GLCCI1: variants seen among roughly 807,000 people sequenced by gnomAD.
GLCCI1 encodes glucocorticoid-induced transcript 1 protein.
Under a neutral mutation model 52.2 loss-of-function variants are expected in GLCCI1, and 24 were observed. The observed-to-expected ratio is 0.46, with a 90% confidence interval of 0.33 to 0.65. GLCCI1 has a LOEUF of 0.65. Ranked by LOEUF, GLCCI1 falls within the 30% of genes least tolerant of loss-of-function variation. The probability of loss-of-function intolerance (pLI) is 0.02; values close to 1 mark genes in which losing one functional copy is unlikely to be tolerated. For missense variants in GLCCI1, 704 were observed against 701.5 expected, an observed-to-expected ratio of 1.00 and a Z score of -0.04; for synonymous variants, 310 against 276.5, an observed-to-expected ratio of 1.12 and a Z score of -1.20.
intron 1 of GLCCI1, among the ~76,000 whole-genome samples, chr7:7,988,562 G>C (rs1241670025): frequency 6.6e-6 from 1 of 151,988 alleles, no homozygotes; most frequent in African/African-American, 2.4e-5. Context: ...CTCTTGGAGT[G>C]AATCTGTCTT....
chr7:7,969,637 CG>C lies in GLCCI1; in HGVS notation c.291del (p.Gly99AlafsTer69), dbSNP rs1290555921. 1 of 1,013,654 alleles carries C rather than the reference CG, an allele frequency of 9.9e-7. No individual in the cohort carries two copies. The highest frequency in any genetic ancestry group is 1.2e-6 in the Non-Finnish European group (1 of 854,018). 62.8% of individuals were successfully genotyped at this position (1,013,654 alleles called of 1,614,324 possible). On this transcript the variant is annotated frameshift_variant, in exon 1 of 8. Transcript: ENST00000223145. LOFTEE classifies it high-confidence loss of function. The surrounding 1 kb of genome is among the most constrained non-coding windows in gnomAD (Gnocchi z 4.9). ...AAAAASLGSL[P>X]GPGAARGPSP... ...GCCGCCGCCTCGCTGGGCAGCCTCC[CG>C]GGGCCCGGCGCGGCCCGCGGCCCCA...
At position 7,969,297 on chromosome 7, in the gene GLCCI1, T is replaced by TC; in HGVS notation, c.-51dup. ...GCCGGCTCCCACACGCTCGCGCGCC[T>TC]CCCGCCCCGCGCCTCCGTGTCGGCC... On this transcript the variant is annotated 5_prime_UTR_variant, in exon 1 of 8. Transcript: ENST00000223145. This position sits in a 1 kb window ranked among gnomAD's most constrained non-coding sequence, Gnocchi z 4.9. 8.3e-7 allele frequency: 1 copy of TC among 1,198,538 alleles called. No homozygotes were observed. The highest frequency in any genetic ancestry group is 1.0e-6 in the Non-Finnish European group (1 of 954,126). The allele number at this position is 1,198,538 out of a possible 1,614,324, so 74.2% of individuals were successfully genotyped here.
chr7:8,048,849 C>T (rs1272689573), intron 3 of GLCCI1, among the ~76,000 whole-genome samples: 1 of 152,122 alleles, frequency 6.6e-6, no homozygotes, highest in African/African-American at 2.4e-5. Context: ...CCTGTACATA[C>T]AGTAGATCAT....
intron 1 of GLCCI1, among the ~76,000 whole-genome samples, chr7:8,001,969 A>G (rs1289636938): frequency 2.0e-5 from 3 of 152,182 alleles, no homozygotes; most frequent in African/African-American, 4.8e-5. Flanking sequence ...TGGGAGAGGG[A>G]TAGCATTAGG....
chr7:8,052,146 A>G (rs532624066), intron 3 of GLCCI1, among the ~76,000 whole-genome samples: 1 of 152,106 alleles, frequency 6.6e-6, no homozygotes, highest in Non-Finnish European at 1.5e-5. Flanking sequence ...TCAGTGAAGG[A>G]AAAGGCTTCT....
At chr7:8,052,240 C>T (rs1782273437) in intron 3 of GLCCI1, among the ~76,000 whole-genome samples, 1 of 152,100 alleles carries the variant, frequency 6.6e-6, no homozygotes, top group Non-Finnish European at 1.5e-5. Context: ...CAGTCTGGTG[C>T]CTTAATGCTT....
At chr7:8,010,233 C>G (rs1376091771) in intron 2 of GLCCI1, among the ~76,000 whole-genome samples, 1 of 152,164 alleles carries the variant, frequency 6.6e-6, no homozygotes, top group Non-Finnish European at 1.5e-5. Context: ...CATTAACAAG[C>G]TTTCTGCAAG....
chr7:8,027,201 A>G (rs1781640924), intron 3 of GLCCI1, among the ~76,000 whole-genome samples: 1 of 152,204 alleles, frequency 6.6e-6, no homozygotes, highest in Non-Finnish European at 1.5e-5. Flanking sequence ...AAAGAATTCA[A>G]AGTAGCTATG....
At chr7:8,014,810 A>G (rs1781343212) in intron 2 of GLCCI1, among the ~76,000 whole-genome samples, 1 of 152,174 alleles carries the variant, frequency 6.6e-6, no homozygotes, top group Non-Finnish European at 1.5e-5. Flanking sequence ...GAGGTGAGAG[A>G]TGGGATGGTT....
Position 7,969,187 on chromosome 7 carries a change from T to C in GLCCI1, c.-164T>C. On this transcript the variant is annotated 5_prime_UTR_variant, in exon 1 of 8. Coordinates refer to ENST00000223145, the MANE Select transcript of GLCCI1 (RefSeq NM_138426.4). This position sits in a 1 kb window ranked among gnomAD's most constrained non-coding sequence, Gnocchi z 4.9. ...CCCCCTCGCCGAGGCGGCGGGGGTG[T>C]GCGTTGGGGAGGGGGAGCCCCGAGA... 1 of 637,040 alleles carries C rather than the reference T, an allele frequency of 1.6e-6. No homozygotes were observed. The highest frequency in any genetic ancestry group is 6.1e-5 in the South Asian group (1 of 16,458). The allele number at this position is 637,040 out of a possible 1,614,324, so 39.5% of individuals were successfully genotyped here.
chr7:8,064,257 T>C (rs7797521), intron 5 of GLCCI1, among the ~76,000 whole-genome samples: 5,093 of 152,290 alleles, frequency 0.033, 266 homozygotes, highest in African/African-American at 0.11. Context: ...AAGTCTTTGA[T>C]CCATCTTGAA....
chr7:8,063,226 C>G lies in GLCCI1; in HGVS notation c.966+2978C>G, dbSNP rs143126384. ...GATCTTGGCTTACTGCAACTTCTGC[C>G]TCCCAGGTCCAAGCGATTCTCCTGC... On this transcript the variant is annotated intron_variant, in intron 5 of 7. Coordinates refer to ENST00000223145, the MANE Select transcript of GLCCI1 (RefSeq NM_138426.4). 3.7e-3 allele frequency among the ~76,000 whole-genome samples: 562 copies of G among 152,282 alleles called. 4 individuals are homozygous for G. The highest frequency in any genetic ancestry group is 0.012 in the African/African-American group (483 of 41,546).
At chr7:7,981,222 G>T in intron 1 of GLCCI1, 2 of 280,236 alleles carry the variant, frequency 7.1e-6, no homozygotes, top group Non-Finnish European at 1.4e-5. Flanking sequence ...CTGGAAGACA[G>T]GAGAAATCCT....
chr7:8,050,900 TGC>T (rs1248578608), intron 3 of GLCCI1, among the ~76,000 whole-genome samples: 2 of 152,358 alleles, frequency 1.3e-5, no homozygotes, highest in Non-Finnish European at 2.9e-5. Flanking sequence ...CTATCTCATG[TGC>T]TTTTGTTGAA....
intron 3 of GLCCI1, among the ~76,000 whole-genome samples, chr7:8,031,193 A>T (rs1199017186): frequency 6.6e-6 from 1 of 152,002 alleles, no homozygotes; most frequent in Non-Finnish European, 1.5e-5. Context: ...TAGACAAAGC[A>T]GTACTATTCA....
Position 8,083,375 on chromosome 7 carries a change from T to G in GLCCI1, c.1178-1522T>G, listed in dbSNP as rs1783037945. On this transcript the variant is annotated intron_variant, in intron 6 of 7. Transcript: ENST00000223145. Reference sequence around the variant, plus strand: ...GCCTTATTCTCATCAGATGTTTGGTTTTTTGTTTGTTTGTTTGTTTTTATT... The same window carrying G: ...GCCTTATTCTCATCAGATGTTTGGTGTTTTGTTTGTTTGTTTGTTTTTATT... 2.0e-5 allele frequency among the ~76,000 whole-genome samples: 3 copies of G among 150,902 alleles called. No individual in the cohort carries two copies. The Admixed American group carries it at 2.0e-4, about 10-fold the overall frequency.
intron 5 of GLCCI1, among the ~76,000 whole-genome samples, chr7:8,068,427 A>C (rs776696981): frequency 6.6e-5 from 10 of 152,188 alleles, no homozygotes; most frequent in Non-Finnish European, 1.3e-4. Flanking sequence ...AGCTTGGTCT[A>C]TTCTGCTATT....
intron 1 of GLCCI1, chr7:7,982,016 G>A (rs966990522): frequency 1.4e-5 from 6 of 433,860 alleles, no homozygotes; most frequent in African/African-American, 6.2e-5. Flanking sequence ...TGGTCACTAC[G>A]AAGAAGAAGA....
intron 6 of GLCCI1, among the ~76,000 whole-genome samples, chr7:8,079,633 A>C (rs1296663110): frequency 6.6e-6 from 1 of 151,594 alleles, no homozygotes; most frequent in Non-Finnish European, 1.5e-5. Flanking sequence ...GTTGTGGAAG[A>C]AGCACTGTAC....
Sources: gnomAD v4.1 joint callset for allele counts (sites outside exome capture counted in the v4.1 genomes callset) on GRCh38, gnomAD v4.1.1 for gene constraint, Gnocchi (gnomAD v3.1) non-coding constraint, MANE v1.5 for transcripts, NCBI Gene and HGNC (gene_info 2026-07-23, HGNC 2026-07-21) for gene names.